Variants in NDUFAF6 observed in about 807,000 individuals in gnomAD.
NDUFAF6 encodes NADH dehydrogenase (ubiquinone) complex I, assembly factor 6.
In NDUFAF6, 45 loss-of-function variants were observed where a neutral mutation model predicts 40.8. The ratio of observed to expected loss-of-function variants is 1.10; its 90% CI spans 0.87 to 1.42. NDUFAF6 has a LOEUF of 1.42. Among genes scored for constraint, NDUFAF6 ranks in the 40% most tolerant of loss-of-function variants. The pLI is 0.00. For synonymous variants in NDUFAF6, 185 were observed against 155.9 expected (o/e 1.19, Z -1.39); for missense variants, 435 against 418.5 (o/e 1.04, Z -0.34).
chr8:94,981,453 C>T (rs1357365669), intron 2 of NDUFAF6, among the ~76,000 whole-genome samples: 1 of 152,126 alleles, frequency 6.6e-6, no homozygotes, highest in African/African-American at 2.4e-5. Flanking sequence ...GTACTTGAAC[C>T]TTAATGTACT....
intron 2 of NDUFAF6, chr8:94,984,268 C>T (rs549077967): frequency 1.3e-5 from 2 of 152,148 alleles, no homozygotes; most frequent in South Asian, 4.1e-4. Context: ...AGTTTAAAAA[C>T]TCATAGAGAC....
At chr8:94,974,226 T>C (rs1279744765) in intron 1 of NDUFAF6, among the ~76,000 whole-genome samples, 1 of 151,618 alleles carries the variant, frequency 6.6e-6, no homozygotes. Flanking sequence ...ATCTGTTTTT[T>C]TTTTAAATTA....
chr8:94,941,066 G>A, intron 1 of NDUFAF6: 1 of 662,564 alleles, frequency 1.5e-6, no homozygotes, highest in Non-Finnish European at 2.6e-6. Context: ...TTCAACTTAG[G>A]TGAAAAGCAA....
At chr8:95,092,876 C>A (rs916748233) in intron 2 of NDUFAF6, among the ~76,000 whole-genome samples, 2 of 152,226 alleles carry the variant, frequency 1.3e-5, no homozygotes, top group African/African-American at 4.8e-5. Context: ...AGCCACCGCT[C>A]CCGGCCTGCT....
At chr8:95,024,793 G>A (rs1827867123), upstream of NDUFAF6, among the ~76,000 whole-genome samples, 1 of 152,222 alleles carries the variant, frequency 6.6e-6, no homozygotes, top group African/African-American at 2.4e-5. Context: ...GGAGGGGTCG[G>A]ACGGACTTGG....
downstream of NDUFAF6, among the ~76,000 whole-genome samples, chr8:95,107,055 T>C (rs1029038857): frequency 1.3e-5 from 2 of 152,210 alleles, no homozygotes; most frequent in Non-Finnish European, 2.9e-5. Flanking sequence ...ATTAGTTCAA[T>C]CATTGTGGAA....
chr8:94,924,170 C>T (rs1396967140), intron 1 of NDUFAF6, among the ~76,000 whole-genome samples: 1 of 151,900 alleles, frequency 6.6e-6, no homozygotes, highest in Non-Finnish European at 1.5e-5. Flanking sequence ...AAGCGATTCT[C>T]CTGCCTCAGC....
chr8:94,896,553 C>G (rs113930555), intron 1 of NDUFAF6: 2 of 152,082 alleles, frequency 1.3e-5, no homozygotes, highest in Non-Finnish European at 2.9e-5. Flanking sequence ...GAACAAAGAT[C>G]CCCCGGGTGG....
chr8:94,910,594 C>G (rs1215746749), intron 1 of NDUFAF6, among the ~76,000 whole-genome samples: 1 of 152,170 alleles, frequency 6.6e-6, no homozygotes, highest in Non-Finnish European at 1.5e-5. Context: ...TGCCTTCTGT[C>G]CAGTGGGAAT....
intron 1 of NDUFAF6, among the ~76,000 whole-genome samples, chr8:94,972,432 T>G (rs1236559597): frequency 6.6e-6 from 1 of 151,810 alleles, no homozygotes; most frequent in African/African-American, 2.4e-5. Context: ...AGATATGGGG[T>G]TTCGCCATGT....
At chr8:95,059,735 G>A (rs910030036), downstream of NDUFAF6, among the ~76,000 whole-genome samples, 9 of 152,120 alleles carry the variant, frequency 5.9e-5, no homozygotes, top group Non-Finnish European at 1.0e-4. Context: ...TGTAGTCCCA[G>A]CTACTCGGGA....
At chr8:95,023,655 C>G (rs1048745336), upstream of NDUFAF6, among the ~76,000 whole-genome samples, 3 of 152,172 alleles carry the variant, frequency 2.0e-5, no homozygotes, top group Non-Finnish European at 4.4e-5. Flanking sequence ...TTGGTAGCAG[C>G]TAGACCCACC....
chr8:94,944,211 G>A (rs991567052), intron 1 of NDUFAF6, among the ~76,000 whole-genome samples: 10 of 152,176 alleles, frequency 6.6e-5, no homozygotes, highest in Non-Finnish European at 1.5e-4. Flanking sequence ...CCACTGGGAG[G>A]GGAGAACCAC....
chr8:95,082,204 C>T (rs569114328), intron 2 of NDUFAF6, among the ~76,000 whole-genome samples: 108 of 148,016 alleles, frequency 7.3e-4, no homozygotes, highest in African/African-American at 2.6e-3. Context: ...AGGCTGGGTG[C>T]GGTGGCTTAT....
chr8:95,050,285 C>T (rs1831281791), intron 7 of NDUFAF6, among the ~76,000 whole-genome samples: 1 of 152,198 alleles, frequency 6.6e-6, no homozygotes, highest in African/African-American at 2.4e-5. Context: ...TGATTTTAAA[C>T]AGCCAGATTT....
In NDUFAF6 at chr8:94,940,248, C is replaced by T. The variant is rs780874859; in HGVS notation, c.-935-5235C>T. ...AGATCGTAGTCCACATTGCAGTCCA[C>T]ATGTGTTGTTGAAGAGTCCCACAGG... On this transcript the variant is annotated intron_variant, in intron 1 of 14. Transcript: ENST00000396113. The T allele has an allele frequency of 4.1e-5, 64 of 1,575,148 alleles. No homozygotes were observed. The South Asian group carries it at 6.3e-4, about 16-fold the overall frequency.
intron 2 of NDUFAF6, among the ~76,000 whole-genome samples, chr8:95,005,027 C>T (rs181212149): frequency 6.6e-6 from 1 of 152,222 alleles, no homozygotes; most frequent in Admixed American, 6.5e-5. Context: ...GTAATAATAA[C>T]ACAGAATGAC....
chr8:95,095,285 C>G (rs1809419557), intron 2 of NDUFAF6, among the ~76,000 whole-genome samples: 1 of 152,056 alleles, frequency 6.6e-6, no homozygotes, highest in Non-Finnish European at 1.5e-5. Flanking sequence ...TTTGACCAAC[C>G]CAGAGATGGG....
At position 95,043,194 on chromosome 8, in the gene NDUFAF6, C is replaced by A. The variant is rs140375212; in HGVS notation, c.477+1568C>A. On this transcript the variant is annotated intron_variant, in intron 4 of 8. Transcript: ENST00000396124. Reference sequence around the variant, plus strand: ...CCGCCTCCTGGGTTCAAGCAGTTCCCCTGCCTCAGCCTCCTGAGTAGCTGA... The same window carrying A: ...CCGCCTCCTGGGTTCAAGCAGTTCCACTGCCTCAGCCTCCTGAGTAGCTGA... Among the ~76,000 whole-genome samples the A allele has an allele frequency of 5.8e-3, 875 of 151,824 alleles. 4 individuals are homozygous for A. Among genetic ancestry groups the A allele is most frequent in the African/African-American group, 0.02 (818 of 41,376 alleles).
Sources: gnomAD v4.1 joint callset for allele counts (sites outside exome capture counted in the v4.1 genomes callset) on GRCh38, gnomAD v4.1.1 for gene constraint, MANE v1.5 for transcripts, NCBI Gene and HGNC (gene_info 2026-07-23, HGNC 2026-07-21) for gene names.